GALNT18: variants seen among roughly 807,000 people sequenced by gnomAD.
The protein encoded by GALNT18 is GalNAc-transferase 18.
Under a neutral mutation model 69.5 loss-of-function variants are expected in GALNT18, and 44 were observed. That is an observed-to-expected ratio of 0.63 (90% CI 0.50 to 0.81). The LOEUF (loss-of-function observed/expected upper bound fraction) is 0.81, where lower values mean the gene tolerates loss of function less well. Among genes scored for constraint, GALNT18 ranks in the 40% least tolerant of loss-of-function variants. The probability of loss-of-function intolerance (pLI) is 0.00; values close to 1 mark genes in which losing one functional copy is unlikely to be tolerated. For synonymous variants in GALNT18, 364 were observed against 318.2 expected (o/e 1.14, Z -1.53); for missense variants, 715 against 810.0 (o/e 0.88, Z 1.42).
At chr11:11,290,566 CCTG>C (rs1564882022) in intron 10 of GALNT18, among the ~76,000 whole-genome samples, 1 of 152,214 alleles carries the variant, frequency 6.6e-6, no homozygotes, top group Non-Finnish European at 1.5e-5. Flanking sequence ...CTGAGCACAG[CCTG>C]CTTTCGATGT....
intron 1 of GALNT18, among the ~76,000 whole-genome samples, chr11:11,455,777 A>C (rs1247247840): frequency 6.6e-6 from 1 of 152,188 alleles, no homozygotes; most frequent in Non-Finnish European, 1.5e-5. Flanking sequence ...CAGCATGGTA[A>C]GCATCACAAA....
chr11:11,377,046 T>A lies in GALNT18; in HGVS notation c.977+136A>T, dbSNP rs964431328. ...CTGTGGCAGTGACTGAAGATCAGAC[T>A]GCAGTTCCTTTCGACCCTGCCCACC... On this transcript the variant is annotated intron_variant, in intron 5 of 10. Coordinates refer to ENST00000227756, the MANE Select transcript of GALNT18 (RefSeq NM_198516.3). The surrounding 1 kb of genome is among the most constrained non-coding windows in gnomAD (Gnocchi z 4.6). The A allele has an allele frequency of 7.1e-6, 5 of 705,410 alleles. No individual in the cohort carries two copies. The highest frequency in any genetic ancestry group is 1.2e-5 in the Non-Finnish European group (5 of 414,792). The allele number at this position is 705,410 out of a possible 1,614,324, so 43.7% of individuals were successfully genotyped here.
At chr11:11,355,932 A>G (rs1482198601) in intron 6 of GALNT18, among the ~76,000 whole-genome samples, 1 of 152,248 alleles carries the variant, frequency 6.6e-6, no homozygotes, top group Non-Finnish European at 1.5e-5. Context: ...ACCAGGGGTT[A>G]ACTCTTTATT....
chr11:11,614,209 T>C lies in GALNT18; in HGVS notation c.235+7150A>G, dbSNP rs1316889943. 6.6e-6 allele frequency among the ~76,000 whole-genome samples: 1 copy of C among 152,140 alleles called. No individual in the cohort carries two copies. Among genetic ancestry groups the C allele is most frequent in the East Asian group, 1.9e-4 (1 of 5,188 alleles). On this transcript the variant is annotated intron_variant, in intron 1 of 10. Transcript: ENST00000227756. The surrounding 1 kb of genome is among the most constrained non-coding windows in gnomAD (Gnocchi z 5.6). ...TATAAATTTATAATTTGGCTCATAG[T>C]TCTGCAAGCTGTTCGAAGTCCAGCA...
intron 3 of GALNT18, among the ~76,000 whole-genome samples, chr11:11,398,825 G>A (rs1191155531): frequency 6.6e-6 from 1 of 152,194 alleles, no homozygotes; most frequent in Non-Finnish European, 1.5e-5. Context: ...TTTCTTAAGA[G>A]TGGAAGAACA....
chr11:11,314,850 G>GC lies in GALNT18; in HGVS notation c.1512+12235dup, dbSNP rs1267924130. ...TTCGCCGTGGGAGCAGTTGCTCCTGGCTGTGACATAGTAAAACCTACAATC... is the reference window on the plus strand; with the variant it reads ...TTCGCCGTGGGAGCAGTTGCTCCTGGCCTGTGACATAGTAAAACCTACAATC... On this transcript the variant is annotated intron_variant, in intron 9 of 10. Coordinates refer to ENST00000227756, the MANE Select transcript of GALNT18 (RefSeq NM_198516.3). This position sits in a 1 kb window ranked among gnomAD's most constrained non-coding sequence, Gnocchi z 5.2. Among the ~76,000 whole-genome samples, 1 of 152,188 alleles carries GC rather than the reference G, an allele frequency of 6.6e-6. No homozygotes were observed. The highest frequency in any genetic ancestry group is 1.5e-5 in the Non-Finnish European group (1 of 68,044).
chr11:11,461,185 G>A lies in GALNT18; in HGVS notation c.236-12249C>T, dbSNP rs557444137. ...AGAAAAATCCCACTCCACTCCTGAC[G>A]GGCTGGCACTGCTGGGTCTTTCCTC... On this transcript the variant is annotated intron_variant, in intron 1 of 10. Coordinates refer to ENST00000227756, the MANE Select transcript of GALNT18 (RefSeq NM_198516.3). The surrounding 1 kb of genome is among the most constrained non-coding windows in gnomAD (Gnocchi z 4.1). Among the ~76,000 whole-genome samples the A allele has an allele frequency of 3.9e-5, 6 of 152,278 alleles. No homozygotes were observed. The highest frequency in any genetic ancestry group is 3.9e-4 in the East Asian group (2 of 5,178).
chr11:11,495,179 C>T (rs892199401), intron 1 of GALNT18, among the ~76,000 whole-genome samples: 3 of 152,182 alleles, frequency 2.0e-5, no homozygotes, highest in African/African-American at 4.8e-5. Context: ...CTCGGGGTTT[C>T]GAACCGTAGG....
At chr11:11,388,181 C>A (rs1304436484) in intron 3 of GALNT18, among the ~76,000 whole-genome samples, 1 of 152,100 alleles carries the variant, frequency 6.6e-6, no homozygotes, top group African/African-American at 2.4e-5. Context: ...TAGGCCCCAC[C>A]CATCTGTTTT....
At chr11:11,571,785 T>C (rs1858798984) in intron 1 of GALNT18, among the ~76,000 whole-genome samples, 1 of 152,284 alleles carries the variant, frequency 6.6e-6, no homozygotes, top group Middle Eastern at 3.4e-3. Context: ...AAAAAAAAAT[T>C]GGTGTGTGTT....
intron 1 of GALNT18, among the ~76,000 whole-genome samples, chr11:11,464,534 C>T (rs921634987): frequency 6.6e-6 from 1 of 152,216 alleles, no homozygotes; most frequent in Non-Finnish European, 1.5e-5. Flanking sequence ...AAGAAGCTCC[C>T]TCGTGGGCCC....
At chr11:11,334,229 C>A (rs571717222) in intron 7 of GALNT18, among the ~76,000 whole-genome samples, 3 of 152,104 alleles carry the variant, frequency 2.0e-5, no homozygotes, top group Non-Finnish European at 4.4e-5. Flanking sequence ...TGACATCAGA[C>A]AATGTGGGCT....
chr11:11,326,902 A>C (rs1849931174), intron 9 of GALNT18, among the ~76,000 whole-genome samples, 184 bp downstream of exon 9: 1 of 152,170 alleles, frequency 6.6e-6, no homozygotes, highest in African/African-American at 2.4e-5. Flanking sequence ...CAGGCAAGGC[A>C]GGTGTGACCC....
chr11:11,354,026 C>T (rs1215913488), intron 6 of GALNT18, among the ~76,000 whole-genome samples: 1 of 152,170 alleles, frequency 6.6e-6, no homozygotes, highest in East Asian at 1.9e-4. Context: ...AACATTCTCT[C>T]GCTCAGAAAT....
chr11:11,306,553 G>A (rs542093302), intron 9 of GALNT18, among the ~76,000 whole-genome samples: 2 of 152,258 alleles, frequency 1.3e-5, no homozygotes, highest in East Asian at 1.9e-4. Context: ...TGTCTTTATT[G>A]GATGTTACAG....
At chr11:11,289,775 A>G (rs1265786423) in intron 10 of GALNT18, among the ~76,000 whole-genome samples, 1 of 152,186 alleles carries the variant, frequency 6.6e-6, no homozygotes, top group Non-Finnish European at 1.5e-5. Context: ...CTTGGATGTC[A>G]AAGCAGCCTG....
At chr11:11,429,432 G>A (rs909634192) in intron 3 of GALNT18, among the ~76,000 whole-genome samples, 2 of 152,056 alleles carry the variant, frequency 1.3e-5, no homozygotes, top group African/African-American at 4.8e-5. Context: ...TACTCCACGC[G>A]TGAGACTCCA....
intron 1 of GALNT18, among the ~76,000 whole-genome samples, chr11:11,479,634 A>G (rs1856480158): frequency 6.6e-6 from 1 of 152,210 alleles, no homozygotes; most frequent in Non-Finnish European, 1.5e-5. Context: ...TCAAAAAATA[A>G]TCTAAAAATA....
chr11:11,583,058 G>A lies in GALNT18; in HGVS notation c.235+38301C>T, dbSNP rs965253619. 9.9e-5 allele frequency among the ~76,000 whole-genome samples: 15 copies of A among 152,134 alleles called. No individual in the cohort carries two copies. Among genetic ancestry groups the A allele is most frequent in the African/African-American group, 3.4e-4 (14 of 41,402 alleles). On this transcript the variant is annotated intron_variant, in intron 1 of 10. Coordinates refer to ENST00000227756, the MANE Select transcript of GALNT18 (RefSeq NM_198516.3). The surrounding 1 kb of genome is among the most constrained non-coding windows in gnomAD (Gnocchi z 4.7). Reference sequence around the variant, plus strand: ...TGCCAACACTCAACTCAGGAAGGTCGTTCATGTGCTCTTCCATAAAAACCA... The same window carrying A: ...TGCCAACACTCAACTCAGGAAGGTCATTCATGTGCTCTTCCATAAAAACCA...
Sources: allele counts gnomAD v4.1 joint callset (sites outside exome capture counted in the v4.1 genomes callset), GRCh38; gene constraint gnomAD v4.1.1; non-coding constraint Gnocchi (gnomAD v3.1); transcripts MANE v1.5; gene names NCBI Gene and HGNC (gene_info 2026-07-23, HGNC 2026-07-21).